Variants in TSPAN32 observed in about 807,000 individuals in gnomAD.
TSPAN32 encodes the protein tetraspanin-32.
Under a neutral mutation model 42.7 loss-of-function variants are expected in TSPAN32, and 47 were observed. The ratio of observed to expected loss-of-function variants is 1.10; its 90% CI spans 0.87 to 1.40. The LOEUF is 1.40. TSPAN32 is among the 40% of genes most tolerant of loss of function. The probability of loss-of-function intolerance (pLI) is 0.00; values close to 1 mark genes in which losing one functional copy is unlikely to be tolerated. For missense variants in TSPAN32, 469 were observed against 424.1 expected (o/e 1.11, Z -0.93); for synonymous variants, 175 against 175.9 (o/e 0.99, Z 0.04).
At chr11:2,308,095 G>C (rs927242353) in intron 3 of TSPAN32, among the ~76,000 whole-genome samples, 1 of 152,156 alleles carries the variant, frequency 6.6e-6, no homozygotes, top group Non-Finnish European at 1.5e-5. Flanking sequence ...CATCTTCTCA[G>C]GGGTGCCCTG....
chr11:2,309,294 G>T (rs765595238), intron 4 of TSPAN32: 5 of 456,430 alleles, frequency 1.1e-5, no homozygotes, highest in South Asian at 3.1e-5. Context: ...CTGGGGTGTC[G>T]CAGCCTCCAC....
At chr11:2,302,653 G>A in intron 1 of TSPAN32, 191 bp from the exon 2 acceptor site, 1 of 598,246 alleles carries the variant, frequency 1.7e-6, no homozygotes, top group Non-Finnish European at 3.0e-6. Flanking sequence ...GGGTGCCTGT[G>A]AGTGTGCTGG....
In TSPAN32 at chr11:2,313,348, G is replaced by A. The variant is rs1848579696; in HGVS notation, c.355-306G>A. ...CTGGAAACTTCTGTGGGCCAACCTTGTAAGACCACAGCGGAGGCGGACGCA... is the reference window on the plus strand; with the variant it reads ...CTGGAAACTTCTGTGGGCCAACCTTATAAGACCACAGCGGAGGCGGACGCA... On this transcript the variant is annotated intron_variant, in intron 4 of 9. Coordinates refer to ENST00000182290, the MANE Select transcript of TSPAN32 (RefSeq NM_139022.3). The surrounding 1 kb of genome is among the most constrained non-coding windows in gnomAD (Gnocchi z 9.1). 6.6e-6 allele frequency among the ~76,000 whole-genome samples: 1 copy of A among 152,198 alleles called. No individual in the cohort carries two copies. The highest frequency in any genetic ancestry group is 2.1e-4 in the South Asian group (1 of 4,836).
Position 2,302,128 on chromosome 11 carries a change from A to T in TSPAN32, c.-22A>T. On this transcript the variant is annotated 5_prime_UTR_variant, in exon 1 of 10. Coordinates refer to ENST00000182290, the MANE Select transcript of TSPAN32 (RefSeq NM_139022.3). ...CACAGGGAGGGGAAGGGAGGGGAGGAGAGGAGAGGAGAGGAACCGTCATGG... is the reference window on the plus strand; with the variant it reads ...CACAGGGAGGGGAAGGGAGGGGAGGTGAGGAGAGGAGAGGAACCGTCATGG... The T allele has an allele frequency of 6.8e-7, 1 of 1,460,798 alleles. No individual in the cohort carries two copies. The highest frequency in any genetic ancestry group is 1.4e-5 in the African/African-American group (1 of 70,102). 90.5% of individuals were successfully genotyped at this position (1,460,798 alleles called of 1,614,324 possible). A position where few individuals can be genotyped will look rare whatever the true frequency, so the allele number is the denominator to read the frequency against.
chr11:2,307,901 C>A (rs773636003), intron 3 of TSPAN32, among the ~76,000 whole-genome samples: 2 of 152,178 alleles, frequency 1.3e-5, no homozygotes, highest in Non-Finnish European at 2.9e-5. Flanking sequence ...GCATCCTGAG[C>A]AGGCACCACA....
rs1282082342 is a variant in TSPAN32, at chr11:2,317,690, G to A, written c.901+165G>A. ...ATCCCTCCATGGGAACGGGCTGGGA[G>A]CAAGCACAAAGGAAACCACACTGGA... On this transcript the variant is annotated intron_variant, in intron 9 of 9. Coordinates refer to ENST00000182290, the MANE Select transcript of TSPAN32 (RefSeq NM_139022.3). The surrounding 1 kb of genome is among the most constrained non-coding windows in gnomAD (Gnocchi z 6.2). 1.0e-6 allele frequency: 1 copy of A among 985,458 alleles called. No homozygotes were observed. The highest frequency in any genetic ancestry group is 1.7e-5 in the African/African-American group (1 of 57,370). 61.0% of individuals were successfully genotyped at this position (985,458 alleles called of 1,614,324 possible).
chr11:2,311,823 C>T (rs1380740851), intron 4 of TSPAN32, among the ~76,000 whole-genome samples: 2 of 152,238 alleles, frequency 1.3e-5, no homozygotes, highest in Non-Finnish European at 2.9e-5. Flanking sequence ...AGGCCCCAGG[C>T]TCCTTCAGAG....
chr11:2,315,180 CCTCCCTGCTCCCCT>C, intron 6 of TSPAN32: 14 of 926,698 alleles, frequency 1.5e-5, no homozygotes, highest in African/African-American at 1.8e-5. Context: ...CACCCTGCCC[CCTCCCTGCTCCCCT>C]CCCCGCTCCC....
In TSPAN32 at chr11:2,314,557, G is replaced by T. The variant is rs1303996672; in HGVS notation, c.529G>T (p.Glu177Ter). The change falls in exon 6 of 10, where the codon GAG becomes TAG. Residue 177 changes from glutamate to a stop codon, truncating the protein, a stop_gained. Transcript: ENST00000182290. LOFTEE classifies it high-confidence loss of function. ...AGAGGCTGACCTGTGTCAGGGAGAGGAGGCGGCGAGAGAGGTGAGGGGGGG... is the reference window on the plus strand; with the variant it reads ...AGAGGCTGACCTGTGTCAGGGAGAGTAGGCGGCGAGAGAGGTGAGGGGGGG... Reference protein sequence around the residue: ...STEADLCQGEEAAREDCLQGI... With the variant: ...STEADLCQGE The T allele has an allele frequency of 6.2e-7, 1 of 1,609,554 alleles. No individual in the cohort carries two copies. Among genetic ancestry groups the T allele is most frequent in the Admixed American group, 1.7e-5 (1 of 59,366 alleles).
Position 2,317,239 on chromosome 11 carries a change from A to T in TSPAN32, c.720-105A>T, listed in dbSNP as rs2234314. The T allele has an allele frequency of 0.011, 10,086 of 885,578 alleles. 136 individuals are homozygous for T. The highest frequency in any genetic ancestry group is 0.055 in the Middle Eastern group (250 of 4,532). 54.9% of individuals were successfully genotyped at this position (885,578 alleles called of 1,614,324 possible). A position where few individuals can be genotyped will look rare whatever the true frequency, so the allele number is the denominator to read the frequency against. On this transcript the variant is annotated intron_variant, in intron 8 of 9. Transcript: ENST00000182290. The surrounding 1 kb of genome is among the most constrained non-coding windows in gnomAD (Gnocchi z 6.2). ...CAGCAGCTCCATAATCCCCTCCAGA[A>T]CATTCTGCAACAGCCCCATGATCCC...
chr11:2,314,959 G>A (rs565342838), intron 6 of TSPAN32: 35 of 312,188 alleles, frequency 1.1e-4, no homozygotes, highest in South Asian at 1.0e-3. Context: ...TGGTGTGGTG[G>A]GCTCTGTCTA....
Position 2,317,481 on chromosome 11 carries a change from A to G in TSPAN32, c.857A>G (p.Asp286Gly). The part of the protein sequence containing the change: ...SGSLRWLQES[D>G]AAPLPLSCHL... Reference sequence around the variant, plus strand: ...AGTCTTCGGTGGCTGCAGGAGAGCGATGCTGCGCCTCTGCCCCTCTCCTGC... The same window carrying G: ...AGTCTTCGGTGGCTGCAGGAGAGCGGTGCTGCGCCTCTGCCCCTCTCCTGC... Residue 286 changes from aspartate (D) to glycine (G), a missense_variant, in exon 9 of 10, where the codon GAT becomes GGT. Coordinates refer to ENST00000182290, the MANE Select transcript of TSPAN32 (RefSeq NM_139022.3). This position sits in a 1 kb window ranked among gnomAD's most constrained non-coding sequence, Gnocchi z 6.2. 6.3e-7 allele frequency: 1 copy of G among 1,598,310 alleles called. No homozygotes were observed. The highest frequency in any genetic ancestry group is 8.5e-7 in the Non-Finnish European group (1 of 1,173,166).
Position 2,304,352 on chromosome 11 carries a change from G to A in TSPAN32, c.279+148G>A. The stretch of plus-strand genomic sequence containing the variant: ...GATGCTGGCCAGCCGAGACCCCCAC[G>A]TCAACCCCACACCTGAGTATCTAGG... On this transcript the variant is annotated intron_variant, in intron 3 of 9. Transcript: ENST00000182290. The surrounding 1 kb of genome is among the most constrained non-coding windows in gnomAD (Gnocchi z 4.8). 1.6e-6 allele frequency: 1 copy of A among 606,072 alleles called. No homozygotes were observed. Among genetic ancestry groups the A allele is most frequent in the Non-Finnish European group, 2.9e-6 (1 of 349,846 alleles). The allele number at this position is 606,072 out of a possible 1,614,324, so 37.5% of individuals were successfully genotyped here.
At chr11:2,310,213 C>T (rs1290929117) in intron 4 of TSPAN32, among the ~76,000 whole-genome samples, 2 of 152,172 alleles carry the variant, frequency 1.3e-5, no homozygotes, top group East Asian at 3.9e-4. Context: ...GGGGCAGCTG[C>T]GGCCCATGCC....
In TSPAN32 at chr11:2,302,018, G is replaced by A. The variant is rs780797896; in HGVS notation, c.-132G>A. 17 of 1,491,650 alleles carry A rather than the reference G, an allele frequency of 1.1e-5. No individual in the cohort carries two copies. Among genetic ancestry groups the A allele is most frequent in the Admixed American group, 2.3e-5 (1 of 43,594 alleles). The allele number at this position is 1,491,650 out of a possible 1,614,324, so 92.4% of individuals were successfully genotyped here. On this transcript the variant is annotated 5_prime_UTR_variant, in exon 1 of 10. Coordinates refer to ENST00000182290, the MANE Select transcript of TSPAN32 (RefSeq NM_139022.3). ...GCACCCAGCAGCTCGGTCCTAGGGC[G>A]ATGTTGACAGACAGACAGAGGGGCG...
rs144460879 is a variant in TSPAN32 at position 2,317,441 on chromosome 11, A to C, written c.817A>C (p.Arg273=). ...LHSEAVAIGP[R]GCSGSLRWLQ... is the part of the protein sequence containing the mutation. Reference sequence around the variant, plus strand: ...CTCCGAAGCAGTTGCTATTGGTCCAAGAGGATGCTCGGGTAGTCTTCGGTG... The same window carrying C: ...CTCCGAAGCAGTTGCTATTGGTCCACGAGGATGCTCGGGTAGTCTTCGGTG... The change falls in exon 9 of 10, where the codon AGA becomes CGA. Residue 273 remains arginine (R), a synonymous_variant. Transcript: ENST00000182290. This position sits in a 1 kb window ranked among gnomAD's most constrained non-coding sequence, Gnocchi z 6.2. 3 of 1,604,152 alleles carry C rather than the reference A, an allele frequency of 1.9e-6. No homozygotes were observed. The highest frequency in any genetic ancestry group is 1.7e-6 in the Non-Finnish European group (2 of 1,175,390).
In TSPAN32 at chr11:2,316,284, G is replaced by T; in HGVS notation, c.599G>T (p.Ser200Ile). 6.2e-7 allele frequency: 1 copy of T among 1,603,464 alleles called. No individual in the cohort carries two copies. Among genetic ancestry groups the T allele is most frequent in the Non-Finnish European group, 8.5e-7 (1 of 1,176,514 alleles). Reference sequence around the variant, plus strand: ...AGGACACACCAGCAGGTCGCCTCCAGCCTGACCAGCATCGGCCTGGCCCTC... The same window carrying T: ...AGGACACACCAGCAGGTCGCCTCCATCCTGACCAGCATCGGCCTGGCCCTC... ...FLRTHQQVAS[S>I]LTSIGLALTV... is the part of the protein sequence containing the mutation. The change falls in exon 7 of 10, where the codon AGC becomes ATC. Residue 200 changes from serine to isoleucine, a missense_variant. Coordinates refer to ENST00000182290, the MANE Select transcript of TSPAN32 (RefSeq NM_139022.3).
chr11:2,308,448 CGCAA>C (rs1848248064), intron 3 of TSPAN32, among the ~76,000 whole-genome samples: 1 of 66,848 alleles, frequency 1.5e-5, no homozygotes, highest in Non-Finnish European at 3.0e-5. Context: ...ACCAGCCCCC[CGCAA>C]TGACCAGCCC....
chr11:2,315,394 G>A, intron 6 of TSPAN32: 1 of 1,138,512 alleles, frequency 8.8e-7, no homozygotes, highest in Non-Finnish European at 1.1e-6. Context: ...GGCATTGGGG[G>A]CAGGGCTAAC....
Sources: gnomAD v4.1 joint callset for allele counts (sites outside exome capture counted in the v4.1 genomes callset) on GRCh38, gnomAD v4.1.1 for gene constraint, Gnocchi (gnomAD v3.1) non-coding constraint, MANE v1.5 for transcripts, NCBI Gene and HGNC (gene_info 2026-07-23, HGNC 2026-07-21) for gene names.